IQGAP2: variants seen among roughly 807,000 people sequenced by gnomAD.
IQGAP2 encodes the protein IQ motif containing GTPase activating protein 2.
A neutral mutation model predicts 201.3 loss-of-function variants in IQGAP2; 173 were observed. The observed-to-expected ratio is 0.86, with a 90% CI of 0.76 to 0.98. The LOEUF (loss-of-function observed/expected upper bound fraction) is 0.98. Ranked by LOEUF, IQGAP2 falls within the 50% of genes least tolerant of loss-of-function variation. The pLI, the probability that IQGAP2 is intolerant of heterozygous loss-of-function variation, is 0.00. For synonymous variants in IQGAP2, 675 were observed against 673.9 expected (o/e 1.00, Z -0.03); for missense variants, 1,687 against 1,864.8 (o/e 0.90, Z 1.76).
intron 13 of IQGAP2, among the ~76,000 whole-genome samples, chr5:76,626,996 C>A (rs1269651426): frequency 6.6e-6 from 1 of 151,830 alleles, no homozygotes; most frequent in East Asian, 2.0e-4. Flanking sequence ...CCCCGCCATC[C>A]CTGAGAAGGC....
chr5:76,468,268 G>A (rs1754896639), intron 2 of IQGAP2, among the ~76,000 whole-genome samples: 3 of 152,132 alleles, frequency 2.0e-5, no homozygotes, highest in African/African-American at 7.2e-5. Flanking sequence ...TACTGTGTTT[G>A]TTTTACAGAT....
intron 2 of IQGAP2, among the ~76,000 whole-genome samples, chr5:76,473,471 C>A (rs897307290): frequency 8.6e-5 from 13 of 151,778 alleles, no homozygotes; most frequent in African/African-American, 3.1e-4. Flanking sequence ...CTCTCTTTTG[C>A]TCATTTTAGG....
chr5:76,422,461 C>T (rs923995046), intron 1 of IQGAP2, among the ~76,000 whole-genome samples: 1 of 152,204 alleles, frequency 6.6e-6, no homozygotes, highest in Admixed American at 6.5e-5. Context: ...ATAAAAACAA[C>T]AGTTTAACTC....
chr5:76,508,372 T>C (rs987726405), intron 2 of IQGAP2, among the ~76,000 whole-genome samples: 13 of 152,126 alleles, frequency 8.5e-5, no homozygotes, highest in Non-Finnish European at 1.6e-4. Flanking sequence ...TATACAGATA[T>C]ACAGATGGCA....
At chr5:76,426,903 A>AGG (rs1280161879) in intron 1 of IQGAP2, among the ~76,000 whole-genome samples, 25 of 58,618 alleles carry the variant, frequency 4.3e-4, no homozygotes, top group African/African-American at 1.2e-3. Context: ...AAAACCATGG[A>AGG]GGGTGTGTGT....
chr5:76,474,177 G>T (rs1323791466), intron 2 of IQGAP2, among the ~76,000 whole-genome samples: 1 of 152,158 alleles, frequency 6.6e-6, no homozygotes, highest in African/African-American at 2.4e-5. Context: ...GTTAGTGGTA[G>T]ATTTGGGATT....
chr5:76,503,839 C>T (rs1341328233), intron 2 of IQGAP2, among the ~76,000 whole-genome samples: 1 of 151,856 alleles, frequency 6.6e-6, no homozygotes, highest in Non-Finnish European at 1.5e-5. Context: ...GTGATCCACC[C>T]ACCTCAGCCT....
rs993148832 is a variant in IQGAP2 at position 76,666,560 on chromosome 5, C to T, written c.2679+1385C>T. 5.9e-5 allele frequency among the ~76,000 whole-genome samples: 9 copies of T among 152,136 alleles called. No homozygotes were observed. The South Asian group carries it at 6.2e-4, about 11-fold the overall frequency. On this transcript the variant is annotated intron_variant, in intron 22 of 35. Transcript: ENST00000274364. ...TAGAATAATTCCACCAAACTTGATC[C>T]GCAAACAATCCAAAATGTACAACCA...
At chr5:76,596,874 G>A (rs572856233) in intron 9 of IQGAP2, among the ~76,000 whole-genome samples, 1 of 152,296 alleles carries the variant, frequency 6.6e-6, no homozygotes, top group South Asian at 2.1e-4. Context: ...AGAGTTTATG[G>A]TTGTCTCAGA....
At chr5:76,423,344 C>G (rs528999092) in intron 1 of IQGAP2, among the ~76,000 whole-genome samples, 2 of 152,132 alleles carry the variant, frequency 1.3e-5, no homozygotes, top group Non-Finnish European at 2.9e-5. Flanking sequence ...CTTGGTCGAC[C>G]GGGCTTGGTG....
rs372937521 is a variant in IQGAP2 at position 76,612,193 on chromosome 5, T to TA, written c.1521+1014dup. On this transcript the variant is annotated intron_variant, in intron 13 of 35. Coordinates refer to ENST00000274364, the MANE Select transcript of IQGAP2 (RefSeq NM_006633.5). ...ATTAAGTAACTTGTTGAAAGCTATC[T>TA]AAAATGTGACCGGGCACAGTAGCTC... Among the ~76,000 whole-genome samples, 440 of 152,164 alleles carry TA rather than the reference T, an allele frequency of 2.9e-3. 1 individual carries two copies. The highest frequency in any genetic ancestry group is 0.01 in the African/African-American group (417 of 41,522).
At chr5:76,479,424 A>G (rs1401325464) in intron 2 of IQGAP2, among the ~76,000 whole-genome samples, 2 of 152,094 alleles carry the variant, frequency 1.3e-5, no homozygotes, top group African/African-American at 2.4e-5. Flanking sequence ...TCTCAATTGC[A>G]TGGATCGCTT....
intron 2 of IQGAP2, among the ~76,000 whole-genome samples, chr5:76,509,488 C>T (rs1345056670): frequency 6.6e-6 from 1 of 151,954 alleles, no homozygotes; most frequent in Non-Finnish European, 1.5e-5. Flanking sequence ...GCTCCGCCTC[C>T]CGGTTTCACG....
chr5:76,668,578 T>A, intron 22 of IQGAP2, 103 bp from the exon 23 acceptor site: 1 of 866,702 alleles, frequency 1.2e-6, no homozygotes, highest in Non-Finnish European at 1.8e-6. Context: ...TGACATTAAG[T>A]CATTGAAGAG....
intron 2 of IQGAP2, among the ~76,000 whole-genome samples, chr5:76,475,792 T>A (rs909709670): frequency 6.6e-6 from 1 of 152,182 alleles, no homozygotes; most frequent in African/African-American, 2.4e-5. Flanking sequence ...ATAAAACTTA[T>A]ATGCCTTTTC....
At chr5:76,664,049 C>A (rs1374769871) in intron 21 of IQGAP2, among the ~76,000 whole-genome samples, 1 of 152,122 alleles carries the variant, frequency 6.6e-6, no homozygotes, top group Non-Finnish European at 1.5e-5. Context: ...TTTTTAATTT[C>A]TCTCAAGAAA....
intron 9 of IQGAP2, among the ~76,000 whole-genome samples, chr5:76,593,372 C>T (rs1405284419): frequency 6.6e-6 from 1 of 152,126 alleles, no homozygotes; most frequent in African/African-American, 2.4e-5. Context: ...TTTTCTTACA[C>T]TTGTGTAACT....
chr5:76,602,654 T>C (rs1747507396), intron 11 of IQGAP2, among the ~76,000 whole-genome samples: 1 of 152,152 alleles, frequency 6.6e-6, no homozygotes, highest in African/African-American at 2.4e-5. Context: ...AAGGGCCCAC[T>C]TGGGTTCTTG....
At chr5:76,484,794 G>A (rs1756011795) in intron 2 of IQGAP2, among the ~76,000 whole-genome samples, 1 of 151,652 alleles carries the variant, frequency 6.6e-6, no homozygotes, top group Non-Finnish European at 1.5e-5. Flanking sequence ...GGGATTACAG[G>A]TGGCCTCATT....
Sources: gnomAD v4.1 joint callset for allele counts (sites outside exome capture counted in the v4.1 genomes callset) on GRCh38, gnomAD v4.1.1 for gene constraint, MANE v1.5 for transcripts, NCBI Gene and HGNC (gene_info 2026-07-23, HGNC 2026-07-21) for gene names.